The following CYTH1 variants were observed in gnomAD, a reference collection of about 807,000 sequenced individuals.
CYTH1 encodes the protein cytohesin-1.
Under a neutral mutation model 61.8 loss-of-function variants are expected in CYTH1, and 18 were observed. That is an observed-to-expected ratio of 0.29 (90% CI 0.20 to 0.43). The LOEUF (loss-of-function observed/expected upper bound fraction) is 0.43. CYTH1 is among the 20% of genes least tolerant of loss of function. The probability of loss-of-function intolerance (pLI) is 1.00; values close to 1 mark genes in which losing one functional copy is unlikely to be tolerated. For missense variants in CYTH1, 336 were observed against 510.5 expected (o/e 0.66, Z 3.29); for synonymous variants, 174 against 184.3 (o/e 0.94, Z 0.45).
At chr17:78,739,194 AT>A (rs935333162) in intron 1 of CYTH1, among the ~76,000 whole-genome samples, 57 of 152,204 alleles carry the variant, frequency 3.7e-4, no homozygotes, top group Non-Finnish European at 5.9e-5. Context: ...TGTTACAAAT[AT>A]TTTGTCATAA....
chr17:78,716,800 G>A (rs572036916), intron 1 of CYTH1: 1 of 152,324 alleles, frequency 6.6e-6, no homozygotes, highest in East Asian at 1.9e-4. Flanking sequence ...TTAGCAGCAT[G>A]AAGAATCAAC....
intron 1 of CYTH1, among the ~76,000 whole-genome samples, chr17:78,746,027 A>G (rs2093358302): frequency 6.6e-6 from 1 of 152,202 alleles, no homozygotes; most frequent in South Asian, 2.1e-4. Flanking sequence ...GGCTTTGTTA[A>G]TATCAACATT....
intron 11 of CYTH1, among the ~76,000 whole-genome samples, chr17:78,681,753 G>A (rs1230323558): frequency 1.3e-5 from 2 of 151,772 alleles, no homozygotes; most frequent in South Asian, 2.1e-4. Context: ...CAGGAGAATG[G>A]TGTGAACCCA....
chr17:78,742,574 C>T (rs547071856), intron 1 of CYTH1, among the ~76,000 whole-genome samples: 1 of 151,976 alleles, frequency 6.6e-6, no homozygotes. Flanking sequence ...ATAAATAGGC[C>T]GGGTGTGCTG....
chr17:78,738,173 T>C (rs2093328605), intron 1 of CYTH1, among the ~76,000 whole-genome samples: 1 of 152,196 alleles, frequency 6.6e-6, no homozygotes, highest in South Asian at 2.1e-4. Flanking sequence ...CACCTCATCA[T>C]CGTAATAGAT....
chr17:78,680,048 G>C, intron 13 of CYTH1, 142 bp downstream of exon 13: 1 of 1,167,540 alleles, frequency 8.6e-7, no homozygotes, highest in East Asian at 2.6e-5. Flanking sequence ...GAAGCCGTCA[G>C]CTGGGAACCA....
At chr17:78,697,325 C>CAA (rs5822262) in intron 9 of CYTH1, among the ~76,000 whole-genome samples, 3,950 of 94,922 alleles carry the variant, frequency 0.042, 173 homozygotes, top group South Asian at 0.16. Flanking sequence ...TGCTAGTGTC[C>CAA]AAAAAAAAAA....
chr17:78,738,334 C>T (rs1032426550), intron 1 of CYTH1, among the ~76,000 whole-genome samples: 5 of 152,174 alleles, frequency 3.3e-5, no homozygotes, highest in Admixed American at 6.6e-5. Context: ...TGCCAAAGCA[C>T]GAGACCTGGC....
chr17:78,679,401 G>A (rs1363141943), intron 13 of CYTH1, among the ~76,000 whole-genome samples: 2 of 152,206 alleles, frequency 1.3e-5, no homozygotes, highest in South Asian at 4.1e-4. Flanking sequence ...GCTGACCCTC[G>A]CACAGGGACT....
rs779962388 is a variant in CYTH1, at chr17:78,702,093, T to C, written c.356+29A>G. On this transcript the variant is annotated intron_variant, in intron 5 of 13. Transcript: ENST00000446868. ...TGTGTCGTTCCTGAACAGCCTTCCC[T>C]AGCATGCGCATAATCCCCAAGGCCT... 5 of 1,534,116 alleles carry C rather than the reference T, an allele frequency of 3.3e-6. No homozygotes were observed. In the South Asian group the frequency reaches 4.5e-5, roughly 14 times the overall value.
At chr17:78,701,441 C>T (rs117985345) in intron 6 of CYTH1, among the ~76,000 whole-genome samples, 2,202 of 152,172 alleles carry the variant, frequency 0.014, 27 homozygotes, top group Non-Finnish European at 0.023. Context: ...ATATAAGACT[C>T]AAGGAAGAGT....
intron 1 of CYTH1, among the ~76,000 whole-genome samples, chr17:78,767,067 G>C (rs1463432229): frequency 6.6e-6 from 1 of 152,218 alleles, no homozygotes; most frequent in African/African-American, 2.4e-5. Flanking sequence ...TTCATGTGCA[G>C]CAAGCAGTTA....
chr17:78,678,690 G>A (rs555048605), intron 13 of CYTH1, among the ~76,000 whole-genome samples: 14 of 152,304 alleles, frequency 9.2e-5, no homozygotes, highest in South Asian at 4.1e-4. Context: ...GTGGCACCGC[G>A]TCTGCTCAAT....
chr17:78,688,649 A>G (rs1005914107), intron 11 of CYTH1, among the ~76,000 whole-genome samples: 3 of 152,236 alleles, frequency 2.0e-5, no homozygotes, highest in African/African-American at 4.8e-5. Context: ...CAGCGCAGAC[A>G]TATTTGATGA....
At chr17:78,702,329 G>A (rs2144316209) in intron 4 of CYTH1, 89 bp from the exon 5 acceptor site, 1 of 1,145,634 alleles carries the variant, frequency 8.7e-7, no homozygotes, top group Non-Finnish European at 1.3e-6. Context: ...ATGGGTGTGG[G>A]TGCACTGGAA....
intron 1 of CYTH1, among the ~76,000 whole-genome samples, chr17:78,734,805 C>T (rs542040195): frequency 6.6e-6 from 1 of 152,020 alleles, no homozygotes; most frequent in Non-Finnish European, 1.5e-5. Context: ...AGTCTGACTT[C>T]CTTAAAGAAT....
intron 1 of CYTH1, among the ~76,000 whole-genome samples, chr17:78,767,232 C>A (rs554896457): frequency 6.6e-6 from 1 of 152,108 alleles, no homozygotes; most frequent in African/African-American, 2.4e-5. Flanking sequence ...CTTTGGGAGT[C>A]CGAGATGGGA....
rs917823039 is a variant in CYTH1 at position 78,700,602 on chromosome 17, G to A, written c.438-159C>T. Among the ~76,000 whole-genome samples, 2 of 151,360 alleles carry A rather than the reference G, an allele frequency of 1.3e-5. No homozygotes were observed. Among genetic ancestry groups the A allele is most frequent in the Non-Finnish European group, 2.9e-5 (2 of 67,918 alleles). ...TGCAGTGGCGTGATCTTGGCTCACT[G>A]CAACCTCTGCCTGCCGGGTTCAGGC... On this transcript the variant is annotated intron_variant, in intron 6 of 13. Coordinates refer to ENST00000446868, the MANE Select transcript of CYTH1 (RefSeq NM_004762.6). The surrounding 1 kb of genome is among the most constrained non-coding windows in gnomAD (Gnocchi z 5.1).
At chr17:78,713,802 T>C (rs557262047) in intron 1 of CYTH1, among the ~76,000 whole-genome samples, 1 of 150,926 alleles carries the variant, frequency 6.6e-6, no homozygotes, top group African/African-American at 2.5e-5. Flanking sequence ...CTATATACCC[T>C]GAGAAGCCAA....
Sources: allele counts gnomAD v4.1 joint callset (sites outside exome capture counted in the v4.1 genomes callset), GRCh38; gene constraint gnomAD v4.1.1; non-coding constraint Gnocchi (gnomAD v3.1); transcripts MANE v1.5; gene names NCBI Gene and HGNC (gene_info 2026-07-23, HGNC 2026-07-21).